The following SPDYE18 variants were observed in gnomAD, a reference collection of about 807,000 sequenced individuals.
SPDYE18 encodes speedy/RINGO cell cycle regulator family member E18.
SPDYE18 carries 6 observed loss-of-function variants against 44.9 expected under a neutral mutation model. The observed-to-expected ratio is 0.13, with a 90% CI of 0.07 to 0.26. The LOEUF is 0.26. Among genes scored for constraint, SPDYE18 ranks in the 10% least tolerant of loss-of-function variants. The pLI, the probability that SPDYE18 is intolerant of heterozygous loss-of-function variation, is 1.00. For missense variants in SPDYE18, 121 were observed against 463.2 expected, an observed-to-expected ratio of 0.26 and a Z score of 6.78; for synonymous variants, 35 against 177.1, an observed-to-expected ratio of 0.20 and a Z score of 6.37.
At chr7:77,056,999 A>G (rs1320571745) in intron 4 of SPDYE18, among the ~76,000 whole-genome samples, 1 of 152,224 alleles carries the variant, frequency 6.6e-6, no homozygotes, top group African/African-American at 2.4e-5. Context: ...TAGGTTTAGA[A>G]AAGTCAGTAA....
intron 6 of SPDYE18, among the ~76,000 whole-genome samples, chr7:77,053,893 G>A (rs527607221): frequency 1.2e-4 from 17 of 146,452 alleles, no homozygotes; most frequent in African/African-American, 1.7e-4. Flanking sequence ...CCCTGTAGTC[G>A]GAGCTAATAA....
chr7:77,053,797 C>T (rs200828664), intron 6 of SPDYE18, among the ~76,000 whole-genome samples: 1,524 of 125,520 alleles, frequency 0.012, no homozygotes, highest in East Asian at 0.048. Context: ...CGAGATTGGG[C>T]CACTCCATTC....
Position 77,060,474 on chromosome 7 carries a change from C to T in SPDYE18, c.39G>A (p.Gln13=). 6.5e-7 allele frequency: 1 copy of T among 1,535,326 alleles called. No homozygotes were observed. The highest frequency in any genetic ancestry group is 8.7e-7 in the Non-Finnish European group (1 of 1,146,788). Residue 13 remains glutamine (Q), a synonymous_variant, in exon 2 of 9, where the codon CAG becomes CAA. Coordinates refer to ENST00000510091, the MANE Select transcript of SPDYE18 (RefSeq NM_001394953.1). The part of the protein sequence containing the change: ...RTKTRFRKRG[Q]ITGKITTSRQ... Reference sequence around the variant, plus strand: ...GGCTGGTCGTGATCTTTCCCGTAATCTGTCCCCTCTTACGGAACCTAGTCT... The same window carrying T: ...GGCTGGTCGTGATCTTTCCCGTAATTTGTCCCCTCTTACGGAACCTAGTCT...
At chr7:77,058,135 T>TTTG (rs61672189) in intron 3 of SPDYE18, among the ~76,000 whole-genome samples, 59 of 113,432 alleles carry the variant, frequency 5.2e-4, no homozygotes, top group South Asian at 2.2e-3. Context: ...TTTTTTTTTT[T>TTTG]TTGTTGTTGT....
chr7:77,057,147 G>T (rs1163582080), intron 4 of SPDYE18, among the ~76,000 whole-genome samples: 11 of 152,286 alleles, frequency 7.2e-5, no homozygotes, highest in South Asian at 2.1e-4. Flanking sequence ...CTGGAATGCA[G>T]TGGCCTGATC....
intron 3 of SPDYE18, among the ~76,000 whole-genome samples, chr7:77,058,355 C>T (rs1293582877): frequency 0.043 from 3,764 of 87,956 alleles, 2 homozygotes; most frequent in East Asian, 0.15. Context: ...TGGTCTCCAA[C>T]TCCTGGCCTC....
At chr7:77,057,220 A>G (rs1027807894) in intron 4 of SPDYE18, among the ~76,000 whole-genome samples, 50 of 152,148 alleles carry the variant, frequency 3.3e-4, no homozygotes, top group Non-Finnish European at 1.2e-4. Context: ...CCTCCCGAGT[A>G]GCTGGGATTA....
intron 3 of SPDYE18, among the ~76,000 whole-genome samples, chr7:77,058,785 C>G (rs1251756663): frequency 6.6e-6 from 1 of 151,564 alleles, no homozygotes; most frequent in Non-Finnish European, 1.5e-5. Context: ...GCATGAGCTA[C>G]CACACCCGGC....
rs183027420 is a variant in SPDYE18 at position 77,051,415 on chromosome 7, A to G, written c.*510T>C. On this transcript the variant is annotated 3_prime_UTR_variant, in exon 9 of 9. Coordinates refer to ENST00000510091, the MANE Select transcript of SPDYE18 (RefSeq NM_001394953.1). Reference sequence around the variant, plus strand: ...AATAATTCAATGGCCAACATTTCCAAACAAACCAATAAAATGCAGAGTGTG... The same window carrying G: ...AATAATTCAATGGCCAACATTTCCAGACAAACCAATAAAATGCAGAGTGTG... 3.1e-4 allele frequency among the ~76,000 whole-genome samples: 47 copies of G among 152,390 alleles called. No individual in the cohort carries two copies. The East Asian group carries it at 3.9e-3, about 12-fold the overall frequency.
chr7:77,062,440 G>T (rs1468549750), intron 1 of SPDYE18, among the ~76,000 whole-genome samples, 56 bp downstream of exon 1: 1 of 151,890 alleles, frequency 6.6e-6, no homozygotes, highest in Non-Finnish European at 1.5e-5. Context: ...GGAATGAAAA[G>T]CTCTGATTTA....
chr7:77,053,938 A>G (rs1356974200), intron 6 of SPDYE18, among the ~76,000 whole-genome samples: 2 of 146,842 alleles, frequency 1.4e-5, no homozygotes, highest in African/African-American at 4.9e-5. Context: ...TGAGCCCAGG[A>G]TATGGAGGCT....
At chr7:77,053,335 G>A (rs1318982963) in intron 6 of SPDYE18, 132 bp from the exon 7 acceptor site, 28 of 1,408,110 alleles carry the variant, frequency 2.0e-5, no homozygotes, top group South Asian at 2.9e-5. Context: ...AGAGAGCCAC[G>A]CCTTCCTCAG....
At chr7:77,052,431 C>G (rs1272429785) in intron 8 of SPDYE18, among the ~76,000 whole-genome samples, 2 of 152,064 alleles carry the variant, frequency 1.3e-5, no homozygotes, top group African/African-American at 4.8e-5. Flanking sequence ...CCTCCCCAAA[C>G]TCAGTATTTA....
intron 6 of SPDYE18, among the ~76,000 whole-genome samples, chr7:77,054,063 A>G (rs1438457752): frequency 6.6e-6 from 1 of 152,138 alleles, no homozygotes; most frequent in East Asian, 1.9e-4. Flanking sequence ...TGCCTTCTAC[A>G]GGCATCTAGT....
Position 77,060,566 on chromosome 7 carries a change from G to C in SPDYE18, c.-54C>G, listed in dbSNP as rs1330951647. 6.5e-7 allele frequency: 1 copy of C among 1,534,460 alleles called. No individual in the cohort carries two copies. The highest frequency in any genetic ancestry group is 2.4e-5 in the East Asian group (1 of 40,900). On this transcript the variant is annotated 5_prime_UTR_variant, in exon 2 of 9. Transcript: ENST00000510091. ...AGAAGAGTATGTTATCAATTCTCAA[G>C]CCTAGGAGAAGTCAGGAGTGGAGAA...
At chr7:77,062,109 CAA>C (rs200398207) in intron 1 of SPDYE18, among the ~76,000 whole-genome samples, 4,578 of 140,862 alleles carry the variant, frequency 0.032, 343 homozygotes, top group African/African-American at 0.11. Context: ...GCCTGGGCAA[CAA>C]GAGCAAAACT....
chr7:77,058,988 A>G (rs1361195966), intron 3 of SPDYE18, among the ~76,000 whole-genome samples, 192 bp downstream of exon 3: 1 of 151,810 alleles, frequency 6.6e-6, no homozygotes, highest in Non-Finnish European at 1.5e-5. Context: ...CCAAGCGCCA[A>G]CCTTTATCAA....
chr7:77,058,121 T>A (rs1013233381), intron 3 of SPDYE18, among the ~76,000 whole-genome samples: 3 of 114,576 alleles, frequency 2.6e-5, no homozygotes, highest in Non-Finnish European at 5.3e-5. Context: ...AGTCTCTTTT[T>A]TTTTTTTTTT....
intron 6 of SPDYE18, among the ~76,000 whole-genome samples, chr7:77,053,832 C>G (rs1179602441): frequency 2.7e-5 from 4 of 145,858 alleles, no homozygotes; most frequent in Non-Finnish European, 6.0e-5. Context: ...GAGCAAGACT[C>G]TATCTCAATA....
Sources: gnomAD v4.1 joint callset for allele counts (sites outside exome capture counted in the v4.1 genomes callset) on GRCh38, gnomAD v4.1.1 for gene constraint, MANE v1.5 for transcripts, NCBI Gene and HGNC (gene_info 2026-07-23, HGNC 2026-07-21) for gene names.